Variants in RBFOX1 observed in about 807,000 individuals in gnomAD.
RBFOX1 encodes RNA binding fox-1 homolog 1.
A neutral mutation model predicts 57.7 loss-of-function variants in RBFOX1; 8 were observed. That is an observed-to-expected ratio of 0.14 (90% confidence interval 0.08 to 0.25). The LOEUF is 0.25. RBFOX1 is among the 10% of genes least tolerant of loss of function. The pLI, the probability that RBFOX1 is intolerant of heterozygous loss-of-function variation, is 1.00. For synonymous variants in RBFOX1, 326 were observed against 222.4 expected (o/e 1.47, Z -4.15); for missense variants, 611 against 548.5 (o/e 1.11, Z -1.14).
At chr16:6,924,224 T>C (rs1335972618) in intron 3 of RBFOX1, among the ~76,000 whole-genome samples, 1 of 151,692 alleles carries the variant, frequency 6.6e-6, no homozygotes, top group East Asian at 1.9e-4. Flanking sequence ...CTGGGTAATT[T>C]ATAAAGAAAA....
In RBFOX1 at chr16:7,550,283, C is replaced by T. The variant is rs1412706868; in HGVS notation, c.271-29494C>T. Among the ~76,000 whole-genome samples the T allele has an allele frequency of 1.3e-5, 2 of 151,304 alleles. 1 individual carries two copies. Among genetic ancestry groups the T allele is most frequent in the Non-Finnish European group, 2.9e-5 (2 of 67,920 alleles). ...TTTTTTGGCTGGGCTGGGAAATACCCTTGAGTTCCGGAGAAGGGAAGTGGT... is the reference window on the plus strand; with the variant it reads ...TTTTTTGGCTGGGCTGGGAAATACCTTTGAGTTCCGGAGAAGGGAAGTGGT... On this transcript the variant is annotated intron_variant, in intron 5 of 15. Coordinates refer to ENST00000550418, the MANE Select transcript of RBFOX1 (RefSeq NM_018723.4).
chr16:7,475,293 T>C (rs1224631122), intron 4 of RBFOX1, among the ~76,000 whole-genome samples: 1 of 151,708 alleles, frequency 6.6e-6, no homozygotes. Context: ...ATTAATAGAT[T>C]TGAAGGATGG....
intron 3 of RBFOX1, among the ~76,000 whole-genome samples, chr16:6,848,049 C>T (rs1223998071): frequency 1.3e-5 from 2 of 151,994 alleles, no homozygotes; most frequent in African/African-American, 2.4e-5. Context: ...CCAGGCTGGT[C>T]TCCAACTCCT....
At chr16:7,291,417 G>T (rs776454538) in intron 4 of RBFOX1, among the ~76,000 whole-genome samples, 1 of 152,160 alleles carries the variant, frequency 6.6e-6, no homozygotes, top group African/African-American at 2.4e-5. Flanking sequence ...AAAATAATGT[G>T]ATGTGCTAGT....
At chr16:6,020,937 C>T (rs2095061917) in intron 1 of RBFOX1, among the ~76,000 whole-genome samples, 1 of 152,188 alleles carries the variant, frequency 6.6e-6, no homozygotes, top group South Asian at 2.1e-4. Context: ...AGCTCCATTC[C>T]TTGCTGCCAG....
chr16:6,386,867 G>A (rs1450802896), intron 2 of RBFOX1, among the ~76,000 whole-genome samples: 3 of 152,176 alleles, frequency 2.0e-5, no homozygotes, highest in South Asian at 2.1e-4. Flanking sequence ...AGTATGGGTG[G>A]TGAGAAAGGC....
intron 3 of RBFOX1, among the ~76,000 whole-genome samples, chr16:7,019,895 T>G (rs1344803098): frequency 6.6e-6 from 1 of 152,176 alleles, no homozygotes; most frequent in African/African-American, 2.4e-5. Context: ...GTGTTCCAAC[T>G]AAACCCTGCT....
intron 4 of RBFOX1, among the ~76,000 whole-genome samples, chr16:7,435,324 G>A (rs1221498831): frequency 2.0e-5 from 3 of 151,982 alleles, no homozygotes; most frequent in Non-Finnish European, 4.4e-5. Context: ...GGAGTTATGG[G>A]TTACGGAGAG....
At chr16:5,838,350 G>T in intron 3 of RBFOX1, 1 of 168,702 alleles carries the variant, frequency 5.9e-6, no homozygotes, top group South Asian at 1.5e-4. Context: ...CGAGCATGTG[G>T]AGGGATGCCA....
chr16:6,950,113 A>ATTTTT (rs58222300), intron 3 of RBFOX1, among the ~76,000 whole-genome samples: 2 of 120,936 alleles, frequency 1.7e-5, no homozygotes, highest in African/African-American at 3.4e-5. Context: ...CGCAGAGGTA[A>ATTTTT]TTTTTTTTTT....
intron 12 of RBFOX1, 122 bp from the exon 13 acceptor site, chr16:7,664,807 G>T: frequency 6.4e-7 from 1 of 1,571,142 alleles, no homozygotes; most frequent in Non-Finnish European, 8.7e-7. Context: ...ATGTGAAAAC[G>T]ATCCTCGGTT....
intron 2 of RBFOX1, among the ~76,000 whole-genome samples, chr16:6,352,882 C>T (rs750563935): frequency 6.6e-6 from 1 of 152,086 alleles, no homozygotes; most frequent in Non-Finnish European, 1.5e-5. Flanking sequence ...CAACATGCAT[C>T]ACAGGGAAAG....
At chr16:5,704,228 A>T (rs1368537787) in intron 3 of RBFOX1, among the ~76,000 whole-genome samples, 1 of 152,208 alleles carries the variant, frequency 6.6e-6, no homozygotes, top group African/African-American at 2.4e-5. Flanking sequence ...AAGCTGCTGG[A>T]TAAAACAGTA....
At chr16:5,286,351 C>T (rs2063394544) in intron 1 of RBFOX1, among the ~76,000 whole-genome samples, 1 of 152,008 alleles carries the variant, frequency 6.6e-6, no homozygotes, top group African/African-American at 2.4e-5. Flanking sequence ...ATCTCTAGTT[C>T]TCCAGGTGAT....
rs2072434466 is a variant in RBFOX1 at position 7,504,747 on chromosome 16, ATATATATTT to A, written c.28-13399_28-13391del. On this transcript the variant is annotated intron_variant, in intron 4 of 15. Transcript: ENST00000550418. ...TATATATATATATATATATATATAT[ATATATATTT>A]ATATATATATATATTTATATATATA... 1.6e-4 allele frequency among the ~76,000 whole-genome samples: 2 copies of A among 12,398 alleles called. 1 individual carries two copies. Among genetic ancestry groups the A allele is most frequent in the Non-Finnish European group, 3.4e-4 (2 of 5,880 alleles). The allele number at this position is 12,398 out of a possible 152,430, so 8.1% of individuals were successfully genotyped here.
intron 1 of RBFOX1, among the ~76,000 whole-genome samples, chr16:6,105,306 G>T (rs1298327243): frequency 6.6e-6 from 1 of 152,114 alleles, no homozygotes; most frequent in African/African-American, 2.4e-5. Flanking sequence ...TGTAACGCAT[G>T]ATTCATCTAT....
chr16:5,319,928 G>A (rs1305078080), intron 1 of RBFOX1, among the ~76,000 whole-genome samples: 1 of 152,188 alleles, frequency 6.6e-6, no homozygotes, highest in Non-Finnish European at 1.5e-5. Flanking sequence ...AGGTTTTCAT[G>A]GGTCATCTCT....
chr16:6,021,252 G>C (rs936454171), intron 1 of RBFOX1, among the ~76,000 whole-genome samples: 1 of 152,058 alleles, frequency 6.6e-6, no homozygotes, highest in African/African-American at 2.4e-5. Context: ...GCCTGGCCTT[G>C]ACAGCCCAAG....
At chr16:7,256,637 A>C (rs2094697112) in intron 4 of RBFOX1, among the ~76,000 whole-genome samples, 1 of 152,280 alleles carries the variant, frequency 6.6e-6, no homozygotes, top group Admixed American at 6.5e-5. Flanking sequence ...CATATCTAAA[A>C]TTTCTTACCC....
Sources: gnomAD v4.1 joint callset for allele counts (sites outside exome capture counted in the v4.1 genomes callset) on GRCh38, gnomAD v4.1.1 for gene constraint, MANE v1.5 for transcripts, NCBI Gene and HGNC (gene_info 2026-07-23, HGNC 2026-07-21) for gene names.